PCSK5: variants seen among roughly 807,000 people sequenced by gnomAD.
The protein encoded by PCSK5 is proprotein convertase subtilisin/kexin type 5.
PCSK5 carries 129 observed loss-of-function variants against 233.2 expected under a neutral mutation model. That is an observed-to-expected ratio of 0.55 (90% CI 0.48 to 0.64). The LOEUF is 0.64. Among genes scored for constraint, PCSK5 ranks in the 30% least tolerant of loss-of-function variants. The pLI is 0.00. For synonymous variants in PCSK5, 825 were observed against 879.2 expected (o/e 0.94, Z 1.09); for missense variants, 2,076 against 2,430.1 (o/e 0.85, Z 3.06).
At chr9:76,157,299 A>G (rs1005855144) in intron 11 of PCSK5, 137 bp downstream of exon 11, 1 of 641,588 alleles carries the variant, frequency 1.6e-6, no homozygotes, top group Non-Finnish European at 2.8e-6. Flanking sequence ...ATGAAATGGT[A>G]ATAGAACGGC....
chr9:75,977,578 C>G (rs1826079937), intron 2 of PCSK5, among the ~76,000 whole-genome samples: 1 of 149,280 alleles, frequency 6.7e-6, no homozygotes, highest in Non-Finnish European at 1.5e-5. Flanking sequence ...GAGGAAATGG[C>G]TCCATCTCAA....
Position 76,186,920 on chromosome 9 carries a change from C to T in PCSK5, c.2283-1658C>T, listed in dbSNP as rs540947639. ...CACTTTCACTTATGCTGCCCTTAGT[C>T]TCCTTGAGGCCCCTTGCATTTTTCT... On this transcript the variant is annotated intron_variant, in intron 17 of 37. Coordinates refer to ENST00000674117, the MANE Select transcript of PCSK5 (RefSeq NM_001372043.1). Among the ~76,000 whole-genome samples, 417 of 152,224 alleles carry T rather than the reference C, an allele frequency of 2.7e-3. 1 individual carries two copies. Among genetic ancestry groups the T allele is most frequent in the Middle Eastern group, 6.8e-3 (2 of 294 alleles).
At chr9:76,210,166 A>T (rs1256197169) in intron 20 of PCSK5, among the ~76,000 whole-genome samples, 5 of 152,166 alleles carry the variant, frequency 3.3e-5, no homozygotes, top group Non-Finnish European at 7.4e-5. Context: ...GTGGTGAAGC[A>T]GGAGAGTCAG....
At chr9:76,165,348 A>C (rs1823044719) in intron 12 of PCSK5, among the ~76,000 whole-genome samples, 2 of 152,238 alleles carry the variant, frequency 1.3e-5, no homozygotes, top group South Asian at 4.1e-4. Context: ...TTATATGATA[A>C]CACATAGCTG....
intron 24 of PCSK5, among the ~76,000 whole-genome samples, chr9:76,266,477 C>A (rs1290410066): frequency 6.6e-6 from 1 of 152,116 alleles, no homozygotes. Flanking sequence ...TAAGCCCTTT[C>A]ATCTTTCATA....
intron 9 of PCSK5, among the ~76,000 whole-genome samples, chr9:76,133,755 C>CTGA: frequency 6.6e-6 from 1 of 152,126 alleles, no homozygotes; most frequent in East Asian, 1.9e-4. Flanking sequence ...TTATCGTAAT[C>CTGA]TGATGATGAT....
intron 2 of PCSK5, among the ~76,000 whole-genome samples, chr9:75,965,291 G>GGA (rs921302435): frequency 1.8e-4 from 25 of 141,862 alleles, no homozygotes; most frequent in Admixed American, 1.6e-3. Flanking sequence ...GTGTGTGTGT[G>GGA]GAGAGAGAGA....
intron 30 of PCSK5, among the ~76,000 whole-genome samples, chr9:76,312,153 A>C (rs1009751439): frequency 6.6e-6 from 1 of 152,214 alleles, no homozygotes; most frequent in Non-Finnish European, 1.5e-5. Context: ...AGTAACTGAC[A>C]GTGTCTACTT....
At chr9:76,246,564 A>T (rs749221463) in intron 24 of PCSK5, among the ~76,000 whole-genome samples, 1 of 151,992 alleles carries the variant, frequency 6.6e-6, no homozygotes, top group Non-Finnish European at 1.5e-5. Flanking sequence ...ACCCCACAAC[A>T]CCCCTTCTAG....
At chr9:76,331,943 A>G (rs541428972) in intron 33 of PCSK5, among the ~76,000 whole-genome samples, 1 of 152,226 alleles carries the variant, frequency 6.6e-6, no homozygotes, top group Admixed American at 6.5e-5. Context: ...TCAAGGCCCC[A>G]AGTTGGGGAT....
At chr9:75,982,148 A>C (rs924948366) in intron 2 of PCSK5, among the ~76,000 whole-genome samples, 1 of 152,148 alleles carries the variant, frequency 6.6e-6, no homozygotes. Context: ...CTGTCAGTAC[A>C]TTAAGACCAT....
intron 10 of PCSK5, among the ~76,000 whole-genome samples, chr9:76,147,198 A>C (rs1823475045): frequency 6.6e-6 from 1 of 152,236 alleles, no homozygotes; most frequent in Non-Finnish European, 1.5e-5. Flanking sequence ...GGAAGTATCT[A>C]GACCAATCTG....
At chr9:76,325,136 A>G (rs1482313906) in intron 32 of PCSK5, among the ~76,000 whole-genome samples, 1 of 152,144 alleles carries the variant, frequency 6.6e-6, no homozygotes, top group African/African-American at 2.4e-5. Context: ...CTGTGTCCGC[A>G]TGCAGAAGAG....
chr9:76,033,955 A>G (rs1325541714), intron 5 of PCSK5, among the ~76,000 whole-genome samples: 1 of 152,214 alleles, frequency 6.6e-6, no homozygotes, highest in East Asian at 1.9e-4. Context: ...AAACATTCAG[A>G]TCATAGTAAC....
chr9:76,304,458 CA>C (rs1335083279), intron 28 of PCSK5, among the ~76,000 whole-genome samples: 1 of 152,198 alleles, frequency 6.6e-6, no homozygotes, highest in Non-Finnish European at 1.5e-5. Flanking sequence ...GGGAGTAAAA[CA>C]AGCCTCAGAA....
At chr9:75,953,109 G>A (rs1824939800) in intron 2 of PCSK5, among the ~76,000 whole-genome samples, 2 of 152,088 alleles carry the variant, frequency 1.3e-5, no homozygotes, top group Non-Finnish European at 2.9e-5. Flanking sequence ...TTAATTGCTA[G>A]AATTTCATAG....
chr9:76,068,140 G>A, intron 6 of PCSK5, 97 bp downstream of exon 6: 1 of 819,034 alleles, frequency 1.2e-6, no homozygotes, highest in Non-Finnish European at 2.1e-6. Context: ...TTAAACGATT[G>A]GGCATATCTC....
At chr9:76,238,926 T>G in intron 22 of PCSK5, 33 bp from the exon 23 acceptor site, 2 of 1,470,506 alleles carry the variant, frequency 1.4e-6, no homozygotes, top group Non-Finnish European at 1.9e-6. Flanking sequence ...TTTGTACATT[T>G]TCCCTCTTTT....
At chr9:76,153,460 TGC>T (rs1823756348) in intron 10 of PCSK5, among the ~76,000 whole-genome samples, 1 of 152,240 alleles carries the variant, frequency 6.6e-6, no homozygotes, top group Non-Finnish European at 1.5e-5. Flanking sequence ...CATGGAATTT[TGC>T]ATTTTACACA....
Sources: allele counts gnomAD v4.1 joint callset (sites outside exome capture counted in the v4.1 genomes callset), GRCh38; gene constraint gnomAD v4.1.1; transcripts MANE v1.5; gene names NCBI Gene and HGNC (gene_info 2026-07-23, HGNC 2026-07-21).